The following PPP2R5A variants were observed in gnomAD, a reference collection of about 807,000 sequenced individuals.
PPP2R5A encodes serine/threonine-protein phosphatase 2A 56 kDa regulatory subunit alpha isoform.
PPP2R5A carries 25 observed loss-of-function variants against 64.2 expected under a neutral mutation model. That is an observed-to-expected ratio of 0.39 (90% CI 0.28 to 0.54). The LOEUF is 0.54. Among genes scored for constraint, PPP2R5A ranks in the 20% least tolerant of loss-of-function variants. The pLI, the probability that PPP2R5A is intolerant of heterozygous loss-of-function variation, is 0.67. For synonymous variants in PPP2R5A, 198 were observed against 201.2 expected (o/e 0.98, Z 0.13); for missense variants, 425 against 576.3 (o/e 0.74, Z 2.69).
At chr1:212,349,147 T>A in intron 7 of PPP2R5A, 42 bp from the exon 8 acceptor site, 1 of 1,342,130 alleles carries the variant, frequency 7.5e-7, no homozygotes, top group South Asian at 1.6e-5. Flanking sequence ...CATTATTAAA[T>A]GTTATCTCAC....
At chr1:212,297,764 C>T (rs961164026) in intron 1 of PPP2R5A, 11 of 151,262 alleles carry the variant, frequency 7.3e-5, no homozygotes, top group African/African-American at 2.7e-4. Context: ...AATATGAGAG[C>T]ATTTGTTTTA....
chr1:212,307,059 G>A lies in PPP2R5A; in HGVS notation c.181+20768G>A, dbSNP rs1160419248. On this transcript the variant is annotated intron_variant, in intron 1 of 12. Transcript: ENST00000261461. Reference sequence around the variant, plus strand: ...CAGGCGTGAGTCACCATGCCCCTCCGGTTAATCCATTTACACTTAATGTAG... The same window carrying A: ...CAGGCGTGAGTCACCATGCCCCTCCAGTTAATCCATTTACACTTAATGTAG... Among the ~76,000 whole-genome samples, 5 of 152,020 alleles carry A rather than the reference G, an allele frequency of 3.3e-5. No homozygotes were observed. In the East Asian group the frequency reaches 9.7e-4, roughly 29 times the overall value.
At chr1:212,289,490 G>A (rs538550758) in intron 1 of PPP2R5A, among the ~76,000 whole-genome samples, 3 of 152,222 alleles carry the variant, frequency 2.0e-5, no homozygotes, top group African/African-American at 7.2e-5. Context: ...GCTGACACTG[G>A]GACCTAGGTC....
chr1:212,291,909 A>G (rs1658607906), intron 1 of PPP2R5A, among the ~76,000 whole-genome samples: 1 of 152,218 alleles, frequency 6.6e-6, no homozygotes, highest in South Asian at 2.1e-4. Flanking sequence ...CCTAATTTTA[A>G]TCCCATCATT....
chr1:212,316,150 C>A (rs1457233565), intron 1 of PPP2R5A, among the ~76,000 whole-genome samples: 1 of 152,176 alleles, frequency 6.6e-6, no homozygotes, highest in Non-Finnish European at 1.5e-5. Flanking sequence ...AAGAGTCTCA[C>A]ACCTCACTTT....
intron 2 of PPP2R5A, 74 bp downstream of exon 2, chr1:212,329,405 A>C (rs1659462334): frequency 8.1e-7 from 1 of 1,234,002 alleles, no homozygotes; most frequent in Admixed American, 3.0e-5. Flanking sequence ...ATTGAGACTG[A>C]TTTTAAATAA....
intron 1 of PPP2R5A, among the ~76,000 whole-genome samples, chr1:212,315,342 ACTGT>A (rs1401337150): frequency 6.6e-6 from 1 of 152,178 alleles, no homozygotes; most frequent in Non-Finnish European, 1.5e-5. Flanking sequence ...AACTGGACTT[ACTGT>A]CTATTGAGAG....
intron 3 of PPP2R5A, among the ~76,000 whole-genome samples, chr1:212,335,794 G>T (rs1283591063): frequency 1.3e-5 from 2 of 152,116 alleles, no homozygotes; most frequent in Non-Finnish European, 1.5e-5. Context: ...AAATGTAAAG[G>T]TTTTACATAT....
intron 4 of PPP2R5A, among the ~76,000 whole-genome samples, chr1:212,344,621 G>C (rs1659741564): frequency 6.6e-6 from 1 of 152,146 alleles, no homozygotes; most frequent in Non-Finnish European, 1.5e-5. Context: ...TCTAGAGAGA[G>C]TATTTTATAT....
chr1:212,322,876 C>G (rs957445699), intron 1 of PPP2R5A, among the ~76,000 whole-genome samples: 3 of 152,154 alleles, frequency 2.0e-5, no homozygotes, highest in Admixed American at 2.0e-4. Flanking sequence ...AGCTCCGCCT[C>G]CCAGGTTCAC....
chr1:212,312,322 T>C (rs1659054707), intron 1 of PPP2R5A, among the ~76,000 whole-genome samples: 1 of 152,194 alleles, frequency 6.6e-6, no homozygotes, highest in African/African-American at 2.4e-5. Context: ...TCAGAATGTA[T>C]TTCTGTCATT....
intron 2 of PPP2R5A, among the ~76,000 whole-genome samples, chr1:212,332,701 G>A (rs1295493547): frequency 6.6e-6 from 1 of 152,092 alleles, no homozygotes; most frequent in African/African-American, 2.4e-5. Context: ...TGGTATGTAT[G>A]TATAAGAATG....
At chr1:212,352,881 G>GA in intron 8 of PPP2R5A, 1 of 519,228 alleles carries the variant, frequency 1.9e-6, no homozygotes, top group Non-Finnish European at 3.8e-6. Flanking sequence ...AGCCAAGAGT[G>GA]ACAGTTTTCC....
intron 11 of PPP2R5A, 31 bp from the exon 12 acceptor site, chr1:212,358,655 A>C: frequency 6.6e-7 from 1 of 1,513,358 alleles, no homozygotes; most frequent in Non-Finnish European, 9.2e-7. Flanking sequence ...TAGCAGTATC[A>C]TAACTCAGGA....
At chr1:212,339,648 C>G (rs1187566620) in intron 3 of PPP2R5A, among the ~76,000 whole-genome samples, 1 of 152,012 alleles carries the variant, frequency 6.6e-6, no homozygotes, top group Non-Finnish European at 1.5e-5. Flanking sequence ...GTGAATGGCA[C>G]AGGTTTCAAT....
chr1:212,343,758 G>A (rs555709449), intron 4 of PPP2R5A, among the ~76,000 whole-genome samples: 25 of 152,300 alleles, frequency 1.6e-4, no homozygotes, highest in African/African-American at 6.0e-4. Flanking sequence ...ATACATTAGG[G>A]AGCTCTAGTA....
At chr1:212,309,603 G>A (rs1257546134) in intron 1 of PPP2R5A, 10 of 626,764 alleles carry the variant, frequency 1.6e-5, no homozygotes, top group South Asian at 1.1e-4. Context: ...CATATATTCT[G>A]TTAAATCCAA....
At chr1:212,342,694 T>G (rs1302881914) in intron 4 of PPP2R5A, among the ~76,000 whole-genome samples, 1 of 152,198 alleles carries the variant, frequency 6.6e-6, no homozygotes, top group Non-Finnish European at 1.5e-5. Context: ...AGAATCATTG[T>G]GAGGAATTTG....
intron 1 of PPP2R5A, among the ~76,000 whole-genome samples, chr1:212,321,832 C>T (rs1659301558): frequency 6.6e-6 from 1 of 151,148 alleles, no homozygotes; most frequent in Admixed American, 6.6e-5. Context: ...GGGGCCAAGG[C>T]AGGCAGCTGG....
Sources: allele counts gnomAD v4.1 joint callset (sites outside exome capture counted in the v4.1 genomes callset), GRCh38; gene constraint gnomAD v4.1.1; transcripts MANE v1.5; gene names NCBI Gene and HGNC (gene_info 2026-07-23, HGNC 2026-07-21).